MTSS1: variants seen among roughly 807,000 people sequenced by gnomAD.
The protein encoded by MTSS1 is protein MTSS 1.
MTSS1 carries 18 observed loss-of-function variants against 79.0 expected under a neutral mutation model. That is an observed-to-expected ratio of 0.23 (90% CI 0.16 to 0.34). The LOEUF is 0.34. MTSS1 is among the 10% of genes least tolerant of loss of function. MTSS1 has a pLI of 1.00. For missense variants in MTSS1, 815 were observed against 986.2 expected (o/e 0.83, Z 2.33); for synonymous variants, 341 against 368.6 (o/e 0.93, Z 0.86).
intron 2 of MTSS1, among the ~76,000 whole-genome samples, chr8:124,701,583 A>G (rs1458227843): frequency 1.3e-5 from 2 of 152,248 alleles, no homozygotes; most frequent in African/African-American, 4.8e-5. Context: ...TACAATTAAT[A>G]TCTGACACAA....
intron 10 of MTSS1, 32 bp from the exon 11 acceptor site, chr8:124,557,907 G>A (rs1563742476): frequency 3.3e-6 from 5 of 1,496,682 alleles, no homozygotes; most frequent in East Asian, 4.8e-5. Context: ...GGGGGGGAAG[G>A]AAAAAAAATT....
intron 3 of MTSS1, among the ~76,000 whole-genome samples, chr8:124,675,423 C>T (rs981996909): frequency 6.6e-6 from 1 of 152,178 alleles, no homozygotes; most frequent in African/African-American, 2.4e-5. Flanking sequence ...TCCAGGCTGA[C>T]AGGTCCTGGT....
intron 3 of MTSS1, among the ~76,000 whole-genome samples, chr8:124,670,195 G>A (rs1249825379): frequency 1.3e-5 from 2 of 152,116 alleles, no homozygotes; most frequent in South Asian, 4.1e-4. Flanking sequence ...TTTGCTGGGC[G>A]GTCAGAAAAG....
intron 1 of MTSS1, among the ~76,000 whole-genome samples, chr8:124,716,903 C>T (rs1004153012): frequency 6.6e-6 from 1 of 151,110 alleles, no homozygotes; most frequent in African/African-American, 2.4e-5. Flanking sequence ...AAAAAACACA[C>T]ATTTTGACCA....
At chr8:124,570,173 G>A (rs1827436185) in intron 6 of MTSS1, among the ~76,000 whole-genome samples, 1 of 152,220 alleles carries the variant, frequency 6.6e-6, no homozygotes, top group Non-Finnish European at 1.5e-5. Context: ...TTCTCAGACA[G>A]GGAATAAGTT....
chr8:124,698,033 T>C (rs1035644075), intron 3 of MTSS1: 2 of 152,234 alleles, frequency 1.3e-5, no homozygotes, highest in African/African-American at 4.8e-5. Flanking sequence ...ACCAAACATA[T>C]AGTTTCTATG....
chr8:124,558,948 A>C (rs1399282574), intron 10 of MTSS1: 1 of 1,326,062 alleles, frequency 7.5e-7, no homozygotes, highest in African/African-American at 1.5e-5. Flanking sequence ...ACACACAGAG[A>C]GAAAGAGACA....
intron 3 of MTSS1, among the ~76,000 whole-genome samples, chr8:124,598,153 G>A (rs1399808662): frequency 2.0e-5 from 3 of 151,940 alleles, no homozygotes; most frequent in African/African-American, 7.3e-5. Context: ...TAATTAACTG[G>A]GTGTGGCGGT....
chr8:124,555,940 T>A lies in MTSS1; in HGVS notation c.1405-36A>T, dbSNP rs557733074. 356 of 1,579,658 alleles carry A rather than the reference T, an allele frequency of 2.3e-4. 6 individuals carry two copies. In the South Asian group the frequency reaches 3.8e-3, roughly 17 times the overall value. ...GAGGAGAGAAATACACAGGTTGCTT[T>A]AGGGGGGGGGCTCAACAGCACTCCT... On this transcript the variant is annotated intron_variant, in intron 12 of 13. Coordinates refer to ENST00000518547, the MANE Select transcript of MTSS1 (RefSeq NM_014751.6).
At chr8:124,632,812 T>C (rs938443161) in intron 3 of MTSS1, among the ~76,000 whole-genome samples, 1 of 152,146 alleles carries the variant, frequency 6.6e-6, no homozygotes, top group African/African-American at 2.4e-5. Context: ...GGACTACAGG[T>C]GTATGCTACC....
At chr8:124,580,279 T>C (rs1829795061) in intron 6 of MTSS1, 5 of 408,112 alleles carry the variant, frequency 1.2e-5, no homozygotes, top group Non-Finnish European at 2.3e-5. Context: ...TATTTCTTTT[T>C]TCCATGAGTC....
At position 124,719,571 on chromosome 8, in the gene MTSS1, G is replaced by A. The variant is rs553720877; in HGVS notation, c.72+8313C>T. 3.3e-5 allele frequency among the ~76,000 whole-genome samples: 5 copies of A among 152,304 alleles called. No individual in the cohort carries two copies. The South Asian group carries it at 1.0e-3, about 32-fold the overall frequency. On this transcript the variant is annotated intron_variant, in intron 1 of 13. Transcript: ENST00000518547. ...ATGACTGTCTATACTGTCCACAGGT[G>A]TTCCTCCACCCCCCAGCAGCACCTG...
At chr8:124,665,476 G>A (rs1332082467) in intron 3 of MTSS1, among the ~76,000 whole-genome samples, 1 of 152,190 alleles carries the variant, frequency 6.6e-6, no homozygotes, top group African/African-American at 2.4e-5. Context: ...AGACTTTGGT[G>A]ATTTCCACCT....
chr8:124,583,663 C>G (rs1337871288), intron 6 of MTSS1, among the ~76,000 whole-genome samples: 2 of 152,100 alleles, frequency 1.3e-5, no homozygotes, highest in African/African-American at 4.8e-5. Flanking sequence ...CACCAAACTC[C>G]CAAACCTTTT....
chr8:124,587,717 C>T (rs903896718), intron 5 of MTSS1, among the ~76,000 whole-genome samples: 1 of 152,088 alleles, frequency 6.6e-6, no homozygotes, highest in East Asian at 1.9e-4. Flanking sequence ...GTTGGCCAGG[C>T]TGGTCTTGAA....
chr8:124,627,064 G>C (rs1814833442), intron 3 of MTSS1, among the ~76,000 whole-genome samples: 1 of 151,986 alleles, frequency 6.6e-6, no homozygotes, highest in Non-Finnish European at 1.5e-5. Context: ...CAGCTGTGTG[G>C]CTCACACCAA....
intron 1 of MTSS1, among the ~76,000 whole-genome samples, chr8:124,711,633 G>T (rs1831180060): frequency 6.6e-6 from 1 of 152,122 alleles, no homozygotes; most frequent in African/African-American, 2.4e-5. Flanking sequence ...TGCACACATG[G>T]CACCTGATTA....
intron 6 of MTSS1, among the ~76,000 whole-genome samples, chr8:124,584,391 C>A (rs1170360384): frequency 6.6e-6 from 1 of 152,180 alleles, no homozygotes; most frequent in Admixed American, 6.5e-5. Flanking sequence ...AGGAGAAAGT[C>A]CCTACATTTT....
intron 3 of MTSS1, among the ~76,000 whole-genome samples, chr8:124,645,885 C>A (rs59676492): frequency 0.15 from 22,781 of 152,050 alleles, 2,905 homozygotes; most frequent in African/African-American, 0.35. Context: ...TTTCAGGGCA[C>A]GAAGGTCTCT....
Sources: allele counts gnomAD v4.1 joint callset (sites outside exome capture counted in the v4.1 genomes callset), GRCh38; gene constraint gnomAD v4.1.1; transcripts MANE v1.5; gene names NCBI Gene and HGNC (gene_info 2026-07-23, HGNC 2026-07-21).